Variants in SNX27 observed in about 807,000 individuals in gnomAD.
SNX27 encodes sorting nexin-27.
SNX27 carries 22 observed loss-of-function variants against 71.6 expected under a neutral mutation model. That is an observed-to-expected ratio of 0.31 (90% CI 0.22 to 0.44). SNX27 has a LOEUF of 0.44. SNX27 is among the 20% of genes least tolerant of loss of function. The pLI, the probability that SNX27 is intolerant of heterozygous loss-of-function variation, is 1.00. For missense variants in SNX27, 531 were observed against 698.6 expected (o/e 0.76, Z 2.70); for synonymous variants, 269 against 277.2 (o/e 0.97, Z 0.29).
At chr1:151,676,212 C>A (rs1670687100) in intron 7 of SNX27, 1 of 144,172 alleles carries the variant, frequency 6.9e-6, no homozygotes. Context: ...TATGTCTTTG[C>A]CATTTTAATA....
chr1:151,620,700 T>TTC (rs1242508666), intron 1 of SNX27, among the ~76,000 whole-genome samples: 1 of 151,596 alleles, frequency 6.6e-6, no homozygotes, highest in Non-Finnish European at 1.5e-5. Flanking sequence ...GATGCTTTTT[T>TTC]TTTTTTTGTG....
At chr1:151,684,442 T>G (rs903163547) in intron 8 of SNX27, among the ~76,000 whole-genome samples, 2 of 152,230 alleles carry the variant, frequency 1.3e-5, no homozygotes, top group African/African-American at 4.8e-5. Context: ...AGAGTATTCC[T>G]TAAATGGCTT....
chr1:151,672,913 C>CA (rs1670506252), intron 7 of SNX27, among the ~76,000 whole-genome samples: 1 of 148,794 alleles, frequency 6.7e-6, no homozygotes, highest in African/African-American at 2.5e-5. Flanking sequence ...TTTAACTTTT[C>CA]AAAAAAACCA....
rs1230903622 is a variant in SNX27 at position 151,698,557 on chromosome 1, T to C, written c.*4140T>C. ...CAGAGAGAGGGAGGGAGAAGAGAGATAGTGGGTATGCTTCTCTAGCTCCCC... is the reference window on the plus strand; with the variant it reads ...CAGAGAGAGGGAGGGAGAAGAGAGACAGTGGGTATGCTTCTCTAGCTCCCC... On this transcript the variant is annotated 3_prime_UTR_variant, in exon 12 of 12. Coordinates refer to ENST00000458013, the MANE Select transcript of SNX27 (RefSeq NM_001330723.2). The C allele has an allele frequency of 6.6e-6, 1 of 152,300 alleles. No homozygotes were observed. The highest frequency in any genetic ancestry group is 2.4e-5 in the African/African-American group (1 of 41,458). 9.4% of individuals were successfully genotyped at this position (152,300 alleles called of 1,614,324 possible).
intron 2 of SNX27, among the ~76,000 whole-genome samples, chr1:151,649,552 C>T (rs1259244062): frequency 6.6e-6 from 1 of 152,206 alleles, no homozygotes; most frequent in Non-Finnish European, 1.5e-5. Context: ...CACTCCACTC[C>T]AACCTGGGAG....
intron 7 of SNX27, chr1:151,676,804 A>G (rs1223353230): frequency 6.6e-6 from 1 of 152,130 alleles, no homozygotes; most frequent in Non-Finnish European, 1.5e-5. Flanking sequence ...GGTGTGTAGT[A>G]TGAATGAATG....
intron 1 of SNX27, among the ~76,000 whole-genome samples, chr1:151,620,983 C>T (rs73000034): frequency 0.097 from 14,836 of 152,214 alleles, 777 homozygotes; most frequent in South Asian, 0.13. Flanking sequence ...AGCCACTGCA[C>T]CTGGCCGAAG....
intron 1 of SNX27, among the ~76,000 whole-genome samples, chr1:151,628,035 T>G (rs1176916761): frequency 1.3e-5 from 2 of 151,132 alleles, no homozygotes. Flanking sequence ...TAGATGGAAT[T>G]TCACTCTGTC....
chr1:151,671,236 CTT>C (rs34972986), intron 7 of SNX27, among the ~76,000 whole-genome samples: 43 of 138,806 alleles, frequency 3.1e-4, no homozygotes, highest in African/African-American at 6.9e-4. Context: ...CAGTTTTGTT[CTT>C]TTTTTTTTTT....
intron 6 of SNX27, chr1:151,666,716 G>C (rs1450009958): frequency 1.3e-5 from 2 of 152,202 alleles, no homozygotes; most frequent in African/African-American, 4.8e-5. Flanking sequence ...GAAAGGGGGA[G>C]AGTTTGGTAG....
chr1:151,676,671 G>A (rs1359057019), intron 7 of SNX27: 1 of 151,942 alleles, frequency 6.6e-6, no homozygotes, highest in African/African-American at 2.4e-5. Flanking sequence ...TTTCCATTGT[G>A]ATTTCTACTA....
In SNX27 at chr1:151,654,484, G is replaced by A. The variant is rs187215124; in HGVS notation, c.544-3751G>A. On this transcript the variant is annotated intron_variant, in intron 2 of 11. Transcript: ENST00000458013. ...GAACCTGGGCCTAATATGGTTTCCT[G>A]CCTCTCCCCAGGGGTATAGAGTATT... Among the ~76,000 whole-genome samples the A allele has an allele frequency of 5.9e-5, 9 of 152,086 alleles. No individual in the cohort carries two copies. The East Asian group carries it at 1.8e-3, about 30-fold the overall frequency.
At chr1:151,619,749 G>C (rs1667586462) in intron 1 of SNX27, among the ~76,000 whole-genome samples, 1 of 152,112 alleles carries the variant, frequency 6.6e-6, no homozygotes, top group Non-Finnish European at 1.5e-5. Flanking sequence ...CACTTTTCCT[G>C]ATATTGGCAT....
chr1:151,640,428 G>T, intron 2 of SNX27, among the ~76,000 whole-genome samples: 1 of 151,946 alleles, frequency 6.6e-6, no homozygotes, highest in East Asian at 1.9e-4. Context: ...CCCAGCCTGG[G>T]GTACAGTGGT....
At chr1:151,632,194 G>C (rs2102620407) in intron 1 of SNX27, among the ~76,000 whole-genome samples, 1 of 149,822 alleles carries the variant, frequency 6.7e-6, no homozygotes, top group East Asian at 2.0e-4. Context: ...TTTTGCTCTT[G>C]TTGCCCAGGC....
intron 7 of SNX27, chr1:151,677,267 C>T (rs1670741886): frequency 1.3e-5 from 2 of 152,110 alleles, no homozygotes; most frequent in Admixed American, 1.3e-4. Context: ...CATAAAGTAT[C>T]TATTTTATTC....
rs140184092 is a variant in SNX27, at chr1:151,619,063, A to G, written c.311+6551A>G. Among the ~76,000 whole-genome samples the G allele has an allele frequency of 1.9e-3, 294 of 152,018 alleles. 2 individuals carry two copies. Among genetic ancestry groups the G allele is most frequent in the African/African-American group, 6.6e-3 (275 of 41,496 alleles). On this transcript the variant is annotated intron_variant, in intron 1 of 11. Transcript: ENST00000458013. ...TTCACAAAAATTATGTTTACTGGCC[A>G]GGCACAGTGGCTCACGCCTGTAATC...
intron 1 of SNX27, among the ~76,000 whole-genome samples, chr1:151,620,151 C>T (rs1469035924): frequency 6.6e-6 from 1 of 151,806 alleles, no homozygotes; most frequent in African/African-American, 2.4e-5. Flanking sequence ...TGCTGTTTGT[C>T]TGTAGACATT....
chr1:151,627,928 C>A (rs1228798328), intron 1 of SNX27, among the ~76,000 whole-genome samples: 1 of 151,562 alleles, frequency 6.6e-6, no homozygotes, highest in Non-Finnish European at 1.5e-5. Context: ...TGGAATAATA[C>A]ATATATAGTA....
Sources: gnomAD v4.1 joint callset for allele counts (sites outside exome capture counted in the v4.1 genomes callset) on GRCh38, gnomAD v4.1.1 for gene constraint, MANE v1.5 for transcripts, NCBI Gene and HGNC (gene_info 2026-07-23, HGNC 2026-07-21) for gene names.